The following TMX4 variants were observed in gnomAD, a reference collection of about 807,000 sequenced individuals.
The protein encoded by TMX4 is thioredoxin-related transmembrane protein 4.
TMX4 carries 23 observed loss-of-function variants against 33.3 expected under a neutral mutation model. The ratio of observed to expected loss-of-function variants is 0.69; its 90% CI spans 0.50 to 0.98. The LOEUF is 0.98. Ranked by LOEUF, TMX4 falls within the 50% of genes least tolerant of loss-of-function variation. The pLI is 0.00. For synonymous variants in TMX4, 164 were observed against 161.5 expected (o/e 1.02, Z -0.12); for missense variants, 399 against 448.9 (o/e 0.89, Z 1.01).
At chr20:7,988,618 T>C (rs553707819) in intron 5 of TMX4, among the ~76,000 whole-genome samples, 1 of 152,314 alleles carries the variant, frequency 6.6e-6, no homozygotes, top group South Asian at 2.1e-4. Flanking sequence ...ATCAAATGCC[T>C]GAGCTATTTA....
chr20:8,002,750 A>G (rs2050712776), intron 2 of TMX4, among the ~76,000 whole-genome samples: 2 of 152,212 alleles, frequency 1.3e-5, no homozygotes, highest in South Asian at 4.1e-4. Flanking sequence ...CATTTTATAA[A>G]TTAAATCCAT....
rs75076239 is a variant in TMX4 at position 8,018,866 on chromosome 20, G to A, written c.176+572C>T. ...AAATTTAAAAGGCATCCATATTTAT[G>A]TTTTATTCTCACAATGACATCTCCA... On this transcript the variant is annotated intron_variant, in intron 1 of 7. Transcript: ENST00000246024. The A allele has an allele frequency of 4.0e-3, 1,130 of 283,786 alleles. 10 individuals are homozygous for A. Among genetic ancestry groups the A allele is most frequent in the African/African-American group, 0.024 (1,045 of 42,756 alleles). 17.6% of individuals were successfully genotyped at this position (283,786 alleles called of 1,614,324 possible). A position where few individuals can be genotyped will look rare whatever the true frequency, so the allele number is the denominator to read the frequency against.
chr20:7,987,440 A>G, intron 5 of TMX4, 51 bp from the exon 6 acceptor site: 1 of 1,311,602 alleles, frequency 7.6e-7, no homozygotes, highest in Non-Finnish European at 1.0e-6. Context: ...AGAACCAAAA[A>G]TATTTCAATC....
chr20:8,019,079 C>T (rs755466215), intron 1 of TMX4: 12 of 472,866 alleles, frequency 2.5e-5, no homozygotes, highest in South Asian at 1.9e-4. Flanking sequence ...TCTTCCTTCC[C>T]TTCTCCTCCC....
chr20:8,016,565 GAAAA>G (rs142414734), intron 1 of TMX4, among the ~76,000 whole-genome samples: 1 of 152,078 alleles, frequency 6.6e-6, no homozygotes, highest in Non-Finnish European at 1.5e-5. Context: ...GAAAGACTAA[GAAAA>G]AATAACCAAA....
rs1424139955 is a variant in TMX4, at chr20:7,981,319, T to C, written c.*932A>G. 1 of 152,212 alleles carries C rather than the reference T, an allele frequency of 6.6e-6. No individual in the cohort carries two copies. Among genetic ancestry groups the C allele is most frequent in the Non-Finnish European group, 1.5e-5 (1 of 68,024 alleles). 9.4% of individuals were successfully genotyped at this position (152,212 alleles called of 1,614,324 possible). A position where few individuals can be genotyped will look rare whatever the true frequency, so the allele number is the denominator to read the frequency against. ...AAACAAAACAGTATTCAACTTTTCT[T>C]CACAAGACTACCTTGTACTGGCAAG... is the stretch of plus-strand genomic sequence containing the variant. On this transcript the variant is annotated 3_prime_UTR_variant, in exon 8 of 8. Transcript: ENST00000246024.
chr20:7,987,245 C>A, intron 6 of TMX4, 43 bp downstream of exon 6: 3 of 1,303,930 alleles, frequency 2.3e-6, no homozygotes, highest in African/African-American at 1.5e-5. Flanking sequence ...ACATGAAATT[C>A]ATTTTGCCTT....
rs776142527 is a variant in TMX4 at position 8,019,472 on chromosome 20, T to C, written c.142A>G (p.Thr48Ala). Residue 48 changes from threonine to alanine, a missense_variant, in exon 1 of 8, where the codon ACG becomes GCG. Physicochemically the swap from Thr to Ala is moderately conservative, Grantham distance 58. Transcript: ENST00000246024. ...ATCCACTCGCCCTCCATCACCAGCG[T>C]CCAGTTGGAGGCGGTCATGGGCTGG... ...RVQPMTASNW[T>A]LVMEGEWMLK... 1 of 1,517,706 alleles carries C rather than the reference T, an allele frequency of 6.6e-7. No homozygotes were observed. Among genetic ancestry groups the C allele is most frequent in the South Asian group, 1.2e-5 (1 of 81,650 alleles). The allele number at this position is 1,517,706 out of a possible 1,614,324, so 94.0% of individuals were successfully genotyped here.
At chr20:8,004,107 C>A (rs186587070) in intron 2 of TMX4, among the ~76,000 whole-genome samples, 2 of 151,434 alleles carry the variant, frequency 1.3e-5, no homozygotes, top group African/African-American at 4.9e-5. Flanking sequence ...AGATCCAACA[C>A]CATAAGAAAT....
intron 1 of TMX4, among the ~76,000 whole-genome samples, chr20:8,017,775 A>C (rs2050782342): frequency 6.6e-6 from 1 of 152,124 alleles, no homozygotes; most frequent in Non-Finnish European, 1.5e-5. Context: ...AAATTATTAC[A>C]AACATGGAAG....
rs2050596979 is a variant in TMX4 at position 7,979,732 on chromosome 20, C to T, written c.*2519G>A. ...CTGGGCGACAACAAGAGTGAAACTC[C>T]ATCTCAAAAAAAAAAAAAAAAGAAA... On this transcript the variant is annotated 3_prime_UTR_variant, in exon 8 of 8. Transcript: ENST00000246024. 1 of 135,784 alleles carries T rather than the reference C, an allele frequency of 7.4e-6. No homozygotes were observed. Among genetic ancestry groups the T allele is most frequent in the Non-Finnish European group, 1.6e-5 (1 of 64,186 alleles). The allele number at this position is 135,784 out of a possible 1,614,324, so 8.4% of individuals were successfully genotyped here.
chr20:8,001,465 T>C, intron 3 of TMX4, 31 bp downstream of exon 3: 1 of 1,568,226 alleles, frequency 6.4e-7, no homozygotes. Context: ...ATTTCTAATA[T>C]TTGCAAGATT....
At chr20:7,987,967 T>C (rs1422428820) in intron 5 of TMX4, among the ~76,000 whole-genome samples, 2 of 152,176 alleles carry the variant, frequency 1.3e-5, no homozygotes, top group Non-Finnish European at 2.9e-5. Context: ...CCAGCAGTCT[T>C]TGAATAGAGT....
chr20:7,979,441 A>G lies in TMX4; in HGVS notation c.*2810T>C, dbSNP rs1394613205. 6.6e-6 allele frequency: 1 copy of G among 152,134 alleles called. No individual in the cohort carries two copies. Among genetic ancestry groups the G allele is most frequent in the African/African-American group, 2.4e-5 (1 of 41,432 alleles). The allele number at this position is 152,134 out of a possible 1,614,324, so 9.4% of individuals were successfully genotyped here. A position where few individuals can be genotyped will look rare whatever the true frequency, so the allele number is the denominator to read the frequency against. On this transcript the variant is annotated 3_prime_UTR_variant, in exon 8 of 8. Coordinates refer to ENST00000246024, the MANE Select transcript of TMX4 (RefSeq NM_021156.4). Reference sequence around the variant, plus strand: ...AATTTTTTTTAAAAGTATTTCTGAGAAAGAAAGTACATTTTCTGCCAGGTA... The same window carrying G: ...AATTTTTTTTAAAAGTATTTCTGAGGAAGAAAGTACATTTTCTGCCAGGTA...
At chr20:8,016,218 G>A (rs902922893) in intron 1 of TMX4, among the ~76,000 whole-genome samples, 5 of 152,210 alleles carry the variant, frequency 3.3e-5, no homozygotes, top group East Asian at 1.9e-4. Flanking sequence ...AAGGGCAAAC[G>A]AGTATACAAT....
chr20:7,982,326 G>A lies in TMX4; in HGVS notation c.975C>T (p.Pro325=), dbSNP rs1387356374. The change falls in exon 8 of 8, where the codon CCC becomes CCT. Residue 325 remains proline (P), a synonymous_variant. Coordinates refer to ENST00000246024, the MANE Select transcript of TMX4 (RefSeq NM_021156.4). Reference sequence around the variant, plus strand: ...CCACCACCTCTGTGTCAGCTGGGCAGGGTTGCTCAGAGATGCCTTCTTCAG... The same window carrying A: ...CCACCACCTCTGTGTCAGCTGGGCAAGGTTGCTCAGAGATGCCTTCTTCAG... ...EEAEEGISEQ[P]CPADTEVVED... 1.9e-6 allele frequency: 3 copies of A among 1,614,102 alleles called. No individual in the cohort carries two copies. Among genetic ancestry groups the A allele is most frequent in the Non-Finnish European group, 2.5e-6 (3 of 1,180,026 alleles).
intron 5 of TMX4, 68 bp downstream of exon 5, chr20:7,995,958 T>C: frequency 1.6e-6 from 2 of 1,277,806 alleles, no homozygotes; most frequent in Non-Finnish European, 2.2e-6. Flanking sequence ...GTTTTCCTAT[T>C]GCTTAAAAGC....
intron 7 of TMX4, among the ~76,000 whole-genome samples, chr20:7,983,249 T>A (rs1254584355): frequency 6.6e-6 from 1 of 152,190 alleles, no homozygotes; most frequent in Non-Finnish European, 1.5e-5. Flanking sequence ...TCAATGGAAG[T>A]CTCAAAGCCT....
chr20:8,009,306 T>G (rs999843844), intron 2 of TMX4, among the ~76,000 whole-genome samples: 3 of 152,106 alleles, frequency 2.0e-5, no homozygotes, highest in African/African-American at 7.2e-5. Context: ...AATGATTCAT[T>G]CTTGTGAAAA....
Sources: gnomAD v4.1 joint callset for allele counts (sites outside exome capture counted in the v4.1 genomes callset) on GRCh38, gnomAD v4.1.1 for gene constraint, MANE v1.5 for transcripts, NCBI Gene and HGNC (gene_info 2026-07-23, HGNC 2026-07-21) for gene names.